CCDC181: variants seen among roughly 807,000 people sequenced by gnomAD.
The protein encoded by CCDC181 is coiled-coil domain-containing protein 181.
In CCDC181, 35 loss-of-function variants were observed where a neutral mutation model predicts 58.7. The observed-to-expected ratio is 0.60, with a 90% confidence interval of 0.46 to 0.79. CCDC181 has a LOEUF of 0.79. Among genes scored for constraint, CCDC181 ranks in the 30% least tolerant of loss-of-function variants. CCDC181 has a pLI of 0.00. For missense variants in CCDC181, 517 were observed against 583.9 expected (o/e 0.89, Z 1.18); for synonymous variants, 183 against 197.5 (o/e 0.93, Z 0.62).
intron 2 of CCDC181, among the ~76,000 whole-genome samples, chr1:169,437,032 C>G (rs1177525700): frequency 6.6e-6 from 1 of 151,784 alleles, no homozygotes; most frequent in Non-Finnish European, 1.5e-5. Context: ...TTTATTATTA[C>G]TCAAATCAGT....
At chr1:169,401,659 C>A (rs1192026101) in intron 4 of CCDC181, among the ~76,000 whole-genome samples, 1 of 152,154 alleles carries the variant, frequency 6.6e-6, no homozygotes, top group African/African-American at 2.4e-5. Flanking sequence ...ACATCACCAT[C>A]GTCAAAGACC....
At chr1:169,411,424 A>G (rs896834975) in intron 4 of CCDC181, among the ~76,000 whole-genome samples, 23 of 152,190 alleles carry the variant, frequency 1.5e-4, no homozygotes, top group Admixed American at 1.4e-3. Context: ...AAAGCCAAGG[A>G]CCAGACAGAT....
intron 4 of CCDC181, among the ~76,000 whole-genome samples, chr1:169,399,289 G>A (rs1655214543): frequency 6.6e-6 from 1 of 152,152 alleles, no homozygotes; most frequent in Admixed American, 6.5e-5. Flanking sequence ...AGAAAATAGT[G>A]GTTTAGATTA....
In CCDC181 at chr1:169,394,980, C is replaced by A; in HGVS notation, c.*67G>T. 1 of 1,372,936 alleles carries A rather than the reference C, an allele frequency of 7.3e-7. No homozygotes were observed. Among genetic ancestry groups the A allele is most frequent in the Non-Finnish European group, 9.9e-7 (1 of 1,010,984 alleles). 85.0% of individuals were successfully genotyped at this position (1,372,936 alleles called of 1,614,324 possible). A position where few individuals can be genotyped will look rare whatever the true frequency, so the allele number is the denominator to read the frequency against. On this transcript the variant is annotated 3_prime_UTR_variant, in exon 6 of 6. Coordinates refer to ENST00000367806, the MANE Select transcript of CCDC181 (RefSeq NM_001300969.2). ...TAATTTAGAATACAACCAAAGTACA[C>A]AGACCCTAAGAAATCATATCCAAAA... is the stretch of plus-strand genomic sequence containing the variant.
chr1:169,435,409 A>T (rs990181110), intron 2 of CCDC181, among the ~76,000 whole-genome samples: 2 of 152,168 alleles, frequency 1.3e-5, no homozygotes, highest in Non-Finnish European at 2.9e-5. Context: ...TCAACAAAAA[A>T]GATGTTACAA....
At chr1:169,437,133 GA>G (rs1390248326) in intron 2 of CCDC181, among the ~76,000 whole-genome samples, 1 of 152,130 alleles carries the variant, frequency 6.6e-6, no homozygotes, top group Non-Finnish European at 1.5e-5. Flanking sequence ...GGTTAGGTCA[GA>G]GATGTAATCA....
chr1:169,451,991 T>C (rs947749242), intron 2 of CCDC181, among the ~76,000 whole-genome samples: 3 of 152,002 alleles, frequency 2.0e-5, no homozygotes, highest in African/African-American at 4.8e-5. Flanking sequence ...AATATGTAAG[T>C]TTAGAATTCA....
In CCDC181 at chr1:169,421,792, C is replaced by T. The variant is rs1481490109; in HGVS notation, c.639G>A (p.Lys213=). The change falls in exon 3 of 6, where the codon AAG becomes AAA. Residue 213 remains lysine (K), a synonymous_variant. Transcript: ENST00000367806. ...CTCTCTCTACCAGTATTGTCCTATC[C>T]TTGTTTTCTTCACAGCTTCCATTAG... The part of the protein sequence containing the change: ...SLTNGSCEEN[K]DRTILVERDG... The T allele has an allele frequency of 1.2e-6, 2 of 1,614,088 alleles. No homozygotes were observed. The highest frequency in any genetic ancestry group is 1.7e-6 in the Non-Finnish European group (2 of 1,180,010).
At chr1:169,441,478 C>A (rs1216951613) in intron 2 of CCDC181, among the ~76,000 whole-genome samples, 1 of 152,074 alleles carries the variant, frequency 6.6e-6, no homozygotes, top group Non-Finnish European at 1.5e-5. Context: ...TAATGACATA[C>A]TTTGCAATTT....
At chr1:169,460,477 C>G (rs1327225194) in exon 1 of CCDC181, 1 of 152,338 alleles carries the variant, frequency 6.6e-6, no homozygotes, top group African/African-American at 2.4e-5. Flanking sequence ...GCTGCAGCGC[C>G]CGCCGCCGGC....
At chr1:169,438,989 TC>T (rs1319477081) in intron 2 of CCDC181, among the ~76,000 whole-genome samples, 1 of 152,142 alleles carries the variant, frequency 6.6e-6, no homozygotes. Context: ...CCTGAAATCT[TC>T]CTGATGGAGA....
chr1:169,417,495 C>A (rs375089900), intron 4 of CCDC181, among the ~76,000 whole-genome samples: 2 of 152,094 alleles, frequency 1.3e-5, no homozygotes, highest in African/African-American at 4.8e-5. Flanking sequence ...CTCTTGGGGG[C>A]ACACCACCCC....
intron 2 of CCDC181, among the ~76,000 whole-genome samples, chr1:169,424,489 TA>T (rs1338951677): frequency 3.3e-5 from 5 of 151,902 alleles, no homozygotes; most frequent in Non-Finnish European, 5.9e-5. Context: ...GAATTAACTG[TA>T]TTTTTTACTT....
At chr1:169,442,950 T>C (rs567671194) in intron 2 of CCDC181, 9 of 151,970 alleles carry the variant, frequency 5.9e-5, no homozygotes, top group Non-Finnish European at 1.0e-4. Flanking sequence ...TATATGCAGA[T>C]TTCACATATA....
rs770423820 is a variant in CCDC181, at chr1:169,395,216, C to T, written c.1371-10G>A. 10 of 1,605,754 alleles carry T rather than the reference C, an allele frequency of 6.2e-6. No homozygotes were observed. Among genetic ancestry groups the T allele is most frequent in the Non-Finnish European group, 8.5e-6 (10 of 1,176,608 alleles). ...TTTCCTTCTTAACCATCTGTAGAAACAGGCATGATCAGATTTGGTGAGTAT... is the reference window on the plus strand; with the variant it reads ...TTTCCTTCTTAACCATCTGTAGAAATAGGCATGATCAGATTTGGTGAGTAT... On this transcript the variant is annotated splice_polypyrimidine_tract_variant and intron_variant, in intron 5 of 5. Transcript: ENST00000367806.
rs1656447075 is a variant in CCDC181 at position 169,421,416 on chromosome 1, G to A, written c.1015C>T (p.Gln339Ter). 3.1e-6 allele frequency: 5 copies of A among 1,613,316 alleles called. No individual in the cohort carries two copies. The highest frequency in any genetic ancestry group is 4.2e-6 in the Non-Finnish European group (5 of 1,179,862). ...VTSTYCLSPRQKELQKQLEEK... is the reference protein window; with the variant it reads ...VTSTYCLSPR ...TCTAGTTGTTTTTGTAGTTCTTTCT[G>A]TCGAGGGGAAAGACAGTATGTTGAA... Residue 339 changes from glutamine to a stop codon, truncating the protein, a stop_gained, in exon 3 of 6, where the codon CAG (glutamine) becomes TAG (stop). Transcript: ENST00000367806. LOFTEE classifies it high-confidence loss of function.
chr1:169,442,642 G>C (rs113669762), intron 2 of CCDC181: 2 of 152,076 alleles, frequency 1.3e-5, no homozygotes, highest in African/African-American at 4.8e-5. Flanking sequence ...TAATTGTAAT[G>C]TTTAACACAC....
Position 169,422,259 on chromosome 1 carries a change from C to T in CCDC181, c.172G>A (p.Val58Ile). 2 of 1,601,704 alleles carry T rather than the reference C, an allele frequency of 1.2e-6. No individual in the cohort carries two copies. The highest frequency in any genetic ancestry group is 1.1e-5 in the South Asian group (1 of 90,230). ...GAATGCCGTTTGGTGTGCTCCATTA[C>T]TGTCTCATTCTCTTTTAAGTCTTGG... Reference protein sequence around the residue: ...INQDLKENETVMEHTKRHSDP... With the variant: ...INQDLKENETIMEHTKRHSDP... The change falls in exon 3 of 6, where the codon GTA becomes ATA. Residue 58 changes from valine to isoleucine, a missense_variant. Val to Ile is a conservative substitution (Grantham distance 29). Coordinates refer to ENST00000367806, the MANE Select transcript of CCDC181 (RefSeq NM_001300969.2).
At chr1:169,413,517 G>A (rs1489984754) in intron 4 of CCDC181, among the ~76,000 whole-genome samples, 2 of 152,076 alleles carry the variant, frequency 1.3e-5, no homozygotes, top group African/African-American at 4.8e-5. Context: ...CCCATTACTG[G>A]ATTATATACC....
Sources: allele counts gnomAD v4.1 joint callset (sites outside exome capture counted in the v4.1 genomes callset), GRCh38; gene constraint gnomAD v4.1.1; transcripts MANE v1.5; gene names NCBI Gene and HGNC (gene_info 2026-07-23, HGNC 2026-07-21).